The following ITGA2 variants were observed in gnomAD, a reference collection of about 807,000 sequenced individuals.
The protein encoded by ITGA2 is integrin subunit alpha 2.
In ITGA2, 101 loss-of-function variants were observed where a neutral mutation model predicts 146.3. That is an observed-to-expected ratio of 0.69 (90% CI 0.59 to 0.81). The LOEUF (loss-of-function observed/expected upper bound fraction) is 0.81, where lower values mean the gene tolerates loss of function less well. Among genes scored for constraint, ITGA2 ranks in the 40% least tolerant of loss-of-function variants. The pLI is 0.00. For synonymous variants in ITGA2, 477 were observed against 487.1 expected, an observed-to-expected ratio of 0.98 and a Z score of 0.27; for missense variants, 1,281 against 1,402.7, an observed-to-expected ratio of 0.91 and a Z score of 1.39.
chr5:53,035,330 T>G (rs1295897421), intron 2 of ITGA2, among the ~76,000 whole-genome samples: 1 of 152,206 alleles, frequency 6.6e-6, no homozygotes, highest in African/African-American at 2.4e-5. Flanking sequence ...ACATAATTAG[T>G]TTTTATTGAT....
intron 15 of ITGA2, 122 bp from the exon 16 acceptor site, chr5:53,066,996 G>T: frequency 1.1e-6 from 1 of 938,080 alleles, no homozygotes; most frequent in Admixed American, 2.0e-5. Flanking sequence ...CTGCTAAAGT[G>T]CTTTGATAGA....
Position 53,065,100 on chromosome 5 carries a change from C to T in ITGA2, c.1791C>T (p.Arg597=), listed in dbSNP as rs1745082730. 1.9e-6 allele frequency: 3 copies of T among 1,612,498 alleles called. No individual in the cohort carries two copies. Among genetic ancestry groups the T allele is most frequent in the Non-Finnish European group, 2.5e-6 (3 of 1,179,004 alleles). ...YIYNGHQGTI[R]TKYSQKILGS... is the part of the protein sequence containing the mutation. ...ACAATGGTCATCAGGGCACTATCCG[C>T]ACAAAGTATTCCCAGGTAATCCATG... is the stretch of plus-strand genomic sequence containing the variant. Residue 597 remains arginine (R), a synonymous_variant, in exon 14 of 30, where the codon CGC becomes CGT. Transcript: ENST00000296585.
intron 2 of ITGA2, among the ~76,000 whole-genome samples, chr5:53,039,309 GA>G (rs34190363): frequency 0.28 from 42,187 of 151,850 alleles, 5,934 homozygotes; most frequent in Admixed American, 0.32. Flanking sequence ...TTTTGTTTGA[GA>G]AAAAAAATGC....
intron 2 of ITGA2, among the ~76,000 whole-genome samples, chr5:53,038,704 G>A (rs964809806): frequency 6.6e-6 from 1 of 152,130 alleles, no homozygotes. Context: ...TTCCGCACTT[G>A]GTTTTCACTA....
chr5:53,083,250 C>G (rs1186571692), intron 26 of ITGA2, 90 bp from the exon 27 acceptor site: 1 of 800,336 alleles, frequency 1.2e-6, no homozygotes, highest in Non-Finnish European at 2.2e-6. Context: ...TGTCCCAGCA[C>G]TGAGTTTTAT....
chr5:53,019,691 A>G (rs1304165684), intron 1 of ITGA2, among the ~76,000 whole-genome samples: 5 of 151,928 alleles, frequency 3.3e-5, no homozygotes, highest in Admixed American at 2.6e-4. Context: ...ATGCCCAGCT[A>G]TTTTTTGTAT....
chr5:53,018,949 A>G (rs1392724137), intron 1 of ITGA2, among the ~76,000 whole-genome samples: 1 of 152,074 alleles, frequency 6.6e-6, no homozygotes, highest in Admixed American at 6.5e-5. Context: ...CTGTAATCCC[A>G]GCTACTCAGG....
rs1743838796 is a variant in ITGA2, at chr5:53,042,285, GAACAA to G, written c.295+65_295+69del. The G allele has an allele frequency of 3.9e-6, 4 of 1,026,570 alleles. No homozygotes were observed. The African/African-American group carries it at 4.7e-5, about 12-fold the overall frequency. 63.6% of individuals were successfully genotyped at this position (1,026,570 alleles called of 1,614,324 possible). On this transcript the variant is annotated intron_variant, in intron 3 of 29. Coordinates refer to ENST00000296585, the MANE Select transcript of ITGA2 (RefSeq NM_002203.4). Reference sequence around the variant, plus strand: ...TAGACTCAACTGAAAAATAACATCAGAACAATCATTGTTCTGTCTTAAAGAAATAC... The same window carrying G: ...TAGACTCAACTGAAAAATAACATCAGTCATTGTTCTGTCTTAAAGAAATAC...
intron 20 of ITGA2, among the ~76,000 whole-genome samples, chr5:53,073,942 A>G (rs1168721956): frequency 6.9e-6 from 1 of 144,084 alleles, no homozygotes; most frequent in African/African-American, 2.6e-5. Flanking sequence ...CCTGAAGAAA[A>G]CTAAAAAAAA....
chr5:53,066,036 C>G, intron 15 of ITGA2, 59 bp downstream of exon 15: 1 of 1,493,648 alleles, frequency 6.7e-7, no homozygotes, highest in South Asian at 1.1e-5. Flanking sequence ...GAAAGCAGAA[C>G]AGATGTCTGT....
intron 16 of ITGA2, among the ~76,000 whole-genome samples, chr5:53,069,178 T>A (rs909161682): frequency 6.6e-6 from 1 of 151,870 alleles, no homozygotes; most frequent in Admixed American, 6.6e-5. Flanking sequence ...AGGCAGCTGA[T>A]GCTGTGAATG....
At chr5:53,040,690 T>C (rs181444166) in intron 2 of ITGA2, among the ~76,000 whole-genome samples, 1 of 152,344 alleles carries the variant, frequency 6.6e-6, no homozygotes, top group Admixed American at 6.5e-5. Context: ...TAAAGTGTGC[T>C]AGAGTGTTCT....
chr5:53,039,892 T>A (rs1743701665), intron 2 of ITGA2, among the ~76,000 whole-genome samples: 2 of 152,184 alleles, frequency 1.3e-5, no homozygotes, highest in African/African-American at 4.8e-5. Flanking sequence ...AACAAGTGGT[T>A]ATTCATTGCT....
In ITGA2 at chr5:53,090,631, A is replaced by G; in HGVS notation, c.*32A>G. ...AGACCTACCTGCAGTGGGAACCGGC[A>G]GCATCCCAGCCAGGGTTTGCTGTTT... On this transcript the variant is annotated 3_prime_UTR_variant, in exon 30 of 30. Coordinates refer to ENST00000296585, the MANE Select transcript of ITGA2 (RefSeq NM_002203.4). The G allele has an allele frequency of 1.3e-6, 2 of 1,548,872 alleles. No homozygotes were observed. Among genetic ancestry groups the G allele is most frequent in the Non-Finnish European group, 8.9e-7 (1 of 1,120,526 alleles).
intron 25 of ITGA2, 53 bp downstream of exon 25, chr5:53,080,674 C>A: frequency 7.9e-7 from 1 of 1,266,202 alleles, no homozygotes; most frequent in Non-Finnish European, 1.2e-6. Context: ...GTAAATAACC[C>A]ATGAGATTAG....
chr5:53,054,966 T>C (rs1744563707), intron 7 of ITGA2, among the ~76,000 whole-genome samples: 1 of 152,096 alleles, frequency 6.6e-6, no homozygotes, highest in Non-Finnish European at 1.5e-5. Flanking sequence ...ATGCCCTCAT[T>C]TGAGTAAAAG....
At chr5:53,059,843 T>G in intron 10 of ITGA2, 31 bp from the exon 11 acceptor site, 4 of 1,607,696 alleles carry the variant, frequency 2.5e-6, no homozygotes, top group Non-Finnish European at 3.4e-6. Flanking sequence ...GGTGATTTGT[T>G]TCAATGATCT....
rs759900615 is a variant in ITGA2 at position 53,070,151 on chromosome 5, C to T, written c.2126C>T (p.Ser709Phe). The change falls in exon 17 of 30, where the codon TCC becomes TTC. Residue 709 changes from serine to phenylalanine, a missense_variant. Coordinates refer to ENST00000296585, the MANE Select transcript of ITGA2 (RefSeq NM_002203.4). ...ACACTTGATGCAGATGGATTTTCAT[C>T]CAGAGTAACCTCCAGGGGGTTATTT... ...NITLDADGFS[S>F]RVTSRGLFKE... 1.4e-5 allele frequency: 23 copies of T among 1,611,324 alleles called. No individual in the cohort carries two copies. Among genetic ancestry groups the T allele is most frequent in the Non-Finnish European group, 2.0e-5 (23 of 1,178,214 alleles).
intron 23 of ITGA2, among the ~76,000 whole-genome samples, chr5:53,075,602 C>T (rs1286409148): frequency 2.0e-5 from 3 of 151,932 alleles, no homozygotes; most frequent in Admixed American, 6.6e-5. Flanking sequence ...CAAACATTCT[C>T]AAAATGTTGA....
Sources: allele counts gnomAD v4.1 joint callset (sites outside exome capture counted in the v4.1 genomes callset), GRCh38; gene constraint gnomAD v4.1.1; transcripts MANE v1.5; gene names NCBI Gene and HGNC (gene_info 2026-07-23, HGNC 2026-07-21).